Variants in MEDAG observed in about 807,000 individuals in gnomAD.
MEDAG encodes the protein mesenteric estrogen dependent adipogenesis.
Under a neutral mutation model 29.9 loss-of-function variants are expected in MEDAG, and 25 were observed. That is an observed-to-expected ratio of 0.84 (90% CI 0.61 to 1.17). The LOEUF is 1.17. MEDAG is among the 50% of genes most tolerant of loss of function. The pLI, the probability that MEDAG is intolerant of heterozygous loss-of-function variation, is 0.00. For synonymous variants in MEDAG, 158 were observed against 148.2 expected (o/e 1.07, Z -0.48); for missense variants, 398 against 372.9 (o/e 1.07, Z -0.56).
Position 30,906,682 on chromosome 13 carries a change from T to C in MEDAG, c.167T>C (p.Val56Ala). 2 of 1,548,704 alleles carry C rather than the reference T, an allele frequency of 1.3e-6. No individual in the cohort carries two copies. The highest frequency in any genetic ancestry group is 8.7e-7 in the Non-Finnish European group (1 of 1,155,070). The stretch of plus-strand genomic sequence containing the variant: ...TTCCAGCTGAGCGGCGACCAGCTCG[T>C]GGTGGCCAGGCCCGGGGAGCCGGCG... The part of the protein sequence containing the change: ...GAFQLSGDQL[V>A]VARPGEPAAA... Residue 56 changes from valine to alanine, a missense_variant, in exon 1 of 5, where the codon GTG (valine) becomes GCG (alanine). Val to Ala is a moderately conservative substitution (Grantham distance 64). Coordinates refer to ENST00000380482, the MANE Select transcript of MEDAG (RefSeq NM_032849.4).
chr13:30,917,366 G>C (rs561755636), intron 1 of MEDAG, 37 bp from the exon 2 acceptor site: 42 of 1,184,466 alleles, frequency 3.5e-5, no homozygotes, highest in Non-Finnish European at 5.1e-5. Context: ...AGATGAAAGG[G>C]TACGTTACAT....
chr13:30,914,577 C>T lies in MEDAG; in HGVS notation c.279-2826C>T, dbSNP rs1333416912. Among the ~76,000 whole-genome samples the T allele has an allele frequency of 3.3e-5, 5 of 152,180 alleles. No individual in the cohort carries two copies. In the East Asian group the frequency reaches 7.7e-4, roughly 23 times the overall value. The stretch of plus-strand genomic sequence containing the variant: ...AATTCAGGCTTGAAAATGGATAGCT[C>T]ATGTGTAGGTCATACATTACACTCA... On this transcript the variant is annotated intron_variant, in intron 1 of 4. Coordinates refer to ENST00000380482, the MANE Select transcript of MEDAG (RefSeq NM_032849.4).
chr13:30,916,122 A>C (rs1940120962), intron 1 of MEDAG: 1 of 152,210 alleles, frequency 6.6e-6, no homozygotes, highest in Non-Finnish European at 1.5e-5. Context: ...AAAGATAATG[A>C]CATAGATTTC....
intron 2 of MEDAG, among the ~76,000 whole-genome samples, chr13:30,918,022 A>C (rs1308400450): frequency 6.6e-6 from 1 of 152,154 alleles, no homozygotes; most frequent in African/African-American, 2.4e-5. Context: ...CTGGTGGGTG[A>C]GGCCACCTGA....
intron 2 of MEDAG, among the ~76,000 whole-genome samples, chr13:30,920,590 TAA>T (rs113574327): frequency 1.5e-5 from 2 of 133,674 alleles, no homozygotes; most frequent in South Asian, 2.4e-4. Flanking sequence ...CTTAAAAAAA[TAA>T]AAAAAAAAAA....
chr13:30,911,975 T>A (rs1274525869), intron 1 of MEDAG, among the ~76,000 whole-genome samples: 1 of 152,208 alleles, frequency 6.6e-6, no homozygotes, highest in Non-Finnish European at 1.5e-5. Context: ...TATTTTCTCA[T>A]CTGTCTCCCT....
Position 30,906,431 on chromosome 13 carries a change from G to A in MEDAG, c.-85G>A, listed in dbSNP as rs1952829058. ...CGCGGCTGACGCAGGCAGGGCGCCC[G>A]GCCCCTCCTGGGGACCATCAGGTGC... is the stretch of plus-strand genomic sequence containing the variant. On this transcript the variant is annotated 5_prime_UTR_variant, in exon 1 of 5. Transcript: ENST00000380482. The A allele has an allele frequency of 7.5e-7, 1 of 1,331,908 alleles. No individual in the cohort carries two copies. The highest frequency in any genetic ancestry group is 9.7e-7 in the Non-Finnish European group (1 of 1,034,472). 82.5% of individuals were successfully genotyped at this position (1,331,908 alleles called of 1,614,324 possible). A position where few individuals can be genotyped will look rare whatever the true frequency, so the allele number is the denominator to read the frequency against.
intron 1 of MEDAG, chr13:30,916,653 T>C (rs1392254116): frequency 6.6e-6 from 1 of 152,238 alleles, no homozygotes; most frequent in African/African-American, 2.4e-5. Flanking sequence ...AGGAAGCTAA[T>C]CTGCACTTGG....
At position 30,906,412 on chromosome 13, in the gene MEDAG, T is replaced by A; in HGVS notation, c.-104T>A. The A allele has an allele frequency of 1.6e-6, 2 of 1,254,888 alleles. No homozygotes were observed. The highest frequency in any genetic ancestry group is 2.1e-6 in the Non-Finnish European group (2 of 972,368). The allele number at this position is 1,254,888 out of a possible 1,614,324, so 77.7% of individuals were successfully genotyped here. A position where few individuals can be genotyped will look rare whatever the true frequency, so the allele number is the denominator to read the frequency against. On this transcript the variant is annotated 5_prime_UTR_variant, in exon 1 of 5. Coordinates refer to ENST00000380482, the MANE Select transcript of MEDAG (RefSeq NM_032849.4). Reference sequence around the variant, plus strand: ...ACCCCCTCCTCACCTCGCGCGCGGCTGACGCAGGCAGGGCGCCCGGCCCCT... The same window carrying A: ...ACCCCCTCCTCACCTCGCGCGCGGCAGACGCAGGCAGGGCGCCCGGCCCCT...
In MEDAG at chr13:30,906,684, G is replaced by A; in HGVS notation, c.169G>A (p.Val57Met). 1 of 1,546,420 alleles carries A rather than the reference G, an allele frequency of 6.5e-7. No individual in the cohort carries two copies. The highest frequency in any genetic ancestry group is 8.7e-7 in the Non-Finnish European group (1 of 1,154,062). ...AFQLSGDQLV[V>M]ARPGEPAAAR... ...CCAGCTGAGCGGCGACCAGCTCGTGGTGGCCAGGCCCGGGGAGCCGGCGGC... is the reference window on the plus strand; with the variant it reads ...CCAGCTGAGCGGCGACCAGCTCGTGATGGCCAGGCCCGGGGAGCCGGCGGC... Residue 57 changes from valine (V) to methionine (M), a missense_variant, in exon 1 of 5, where the codon GTG becomes ATG. By Grantham distance (21) the Val-to-Met change is conservative. Coordinates refer to ENST00000380482, the MANE Select transcript of MEDAG (RefSeq NM_032849.4).
In MEDAG at chr13:30,906,398, A is replaced by G. The variant is rs895931226; in HGVS notation, c.-118A>G. On this transcript the variant is annotated 5_prime_UTR_variant, in exon 1 of 5. Coordinates refer to ENST00000380482, the MANE Select transcript of MEDAG (RefSeq NM_032849.4). The stretch of plus-strand genomic sequence containing the variant: ...AGGCGGGCAGACCGACCCCCTCCTC[A>G]CCTCGCGCGCGGCTGACGCAGGCAG... 6 of 1,141,104 alleles carry G rather than the reference A, an allele frequency of 5.3e-6. No individual in the cohort carries two copies. In the African/African-American group the frequency reaches 8.1e-5, roughly 15 times the overall value. The allele number at this position is 1,141,104 out of a possible 1,614,324, so 70.7% of individuals were successfully genotyped here. A position where few individuals can be genotyped will look rare whatever the true frequency, so the allele number is the denominator to read the frequency against.
At position 30,921,059 on chromosome 13, in the gene MEDAG, G is replaced by A; in HGVS notation, c.434G>A (p.Arg145Lys). The change falls in exon 3 of 5, where the codon AGA (arginine) becomes AAA (lysine). Residue 145 changes from arginine (R) to lysine (K), a missense_variant. Arg to Lys is a conservative substitution (Grantham distance 26). Transcript: ENST00000380482. ...GTAAACACGAGGCACCCCAAGATAA[G>A]AAGACAGATAGAGCAAGGGATGGAC... ...FLVNTRHPKI[R>K]RQIEQGMDMV... 4 of 1,614,168 alleles carry A rather than the reference G, an allele frequency of 2.5e-6. No individual in the cohort carries two copies. Among genetic ancestry groups the A allele is most frequent in the Non-Finnish European group, 3.4e-6 (4 of 1,180,006 alleles).
In MEDAG at chr13:30,906,551, G is replaced by A. The variant is rs1348944272; in HGVS notation, c.36G>A (p.Pro12=). 3.9e-6 allele frequency: 6 copies of A among 1,555,988 alleles called. No individual in the cohort carries two copies. The highest frequency in any genetic ancestry group is 1.8e-5 in the Admixed American group (1 of 56,346). The change falls in exon 1 of 5, where the codon CCG becomes CCA. Residue 12 remains proline (P), a synonymous_variant. Transcript: ENST00000380482. ...AGAACEPVAR[P]SLTSISSGEL... is the part of the protein sequence containing the mutation. ...CGGCCTGCGAGCCGGTGGCCAGGCC[G>A]AGCCTGACCTCCATCTCGTCTGGGG...
At chr13:30,922,070 A>G in intron 4 of MEDAG, 1 of 420,004 alleles carries the variant, frequency 2.4e-6, no homozygotes, top group South Asian at 4.8e-5. Flanking sequence ...GGATTACATT[A>G]TGCAGTATAC....
chr13:30,906,896 C>A (rs568695967), intron 1 of MEDAG, 103 bp downstream of exon 1: 1 of 1,177,906 alleles, frequency 8.5e-7, no homozygotes, highest in Non-Finnish European at 1.1e-6. Flanking sequence ...CTGCCTGCGA[C>A]ACCGCGTGGC....
At chr13:30,909,717 G>A (rs1307120338) in intron 1 of MEDAG, among the ~76,000 whole-genome samples, 2 of 152,158 alleles carry the variant, frequency 1.3e-5, no homozygotes, top group Non-Finnish European at 2.9e-5. Context: ...AGCCCCTGGT[G>A]TAATTAGAAT....
At chr13:30,913,974 G>A (rs764643106) in intron 1 of MEDAG, among the ~76,000 whole-genome samples, 7 of 152,182 alleles carry the variant, frequency 4.6e-5, no homozygotes, top group South Asian at 4.1e-4. Flanking sequence ...CATGGGAGAC[G>A]GAGGTTGCAG....
At position 30,921,132 on chromosome 13, in the gene MEDAG, C is replaced by A. The variant is rs766393969; in HGVS notation, c.501+6C>A. ...GAGAAAGTTACCGGCTTCAGGTAAG[C>A]CTAGCCTGTCTGAATCCAGGGCTGT... On this transcript the variant is annotated splice_donor_region_variant and intron_variant, in intron 3 of 4. Transcript: ENST00000380482. 1.2e-6 allele frequency: 2 copies of A among 1,606,920 alleles called. No homozygotes were observed. Among genetic ancestry groups the A allele is most frequent in the East Asian group, 2.2e-5 (1 of 44,856 alleles).
At chr13:30,924,209 T>G (rs956148692) in intron 4 of MEDAG, 102 bp from the exon 5 acceptor site, 4 of 1,231,682 alleles carry the variant, frequency 3.2e-6, no homozygotes, top group African/African-American at 3.1e-5. Context: ...GGATTCTCTA[T>G]TAATTATTAA....
Sources: gnomAD v4.1 joint callset for allele counts (sites outside exome capture counted in the v4.1 genomes callset) on GRCh38, gnomAD v4.1.1 for gene constraint, MANE v1.5 for transcripts, NCBI Gene and HGNC (gene_info 2026-07-23, HGNC 2026-07-21) for gene names.